RMP64: variants seen among roughly 807,000 people sequenced by gnomAD.
RMP64 encodes the protein nucleolus and neural progenitor protein.
the RMP64 span, chr3:113,019,165 G>A: frequency 8.3e-6 from 2 of 239,880 alleles, no homozygotes; most frequent in Non-Finnish European, 1.6e-5. Context: ...GAAAAAGAAG[G>A]AAAGGGGAAA....
the RMP64 span, among the ~76,000 whole-genome samples, chr3:113,007,905 C>T: frequency 1.3e-5 from 2 of 152,178 alleles, no homozygotes; most frequent in African/African-American, 4.8e-5. Flanking sequence ...ACACTAGACA[C>T]TCTTAATGGT....
At chr3:113,017,420 T>C in the RMP64 span, 2 of 1,602,858 alleles carry the variant, frequency 1.2e-6, no homozygotes, top group Admixed American at 1.7e-5. Context: ...AGTGAACAGG[T>C]TGGGTCTCAC....
the RMP64 span, chr3:113,008,510 A>C: frequency 4.0e-6 from 5 of 1,238,272 alleles, no homozygotes; most frequent in Non-Finnish European, 5.7e-6. Context: ...AAGCTAGCTC[A>C]CAATCAAAAT....
chr3:113,013,913 C>T, the RMP64 span: 1 of 1,375,268 alleles, frequency 7.3e-7, no homozygotes, highest in Non-Finnish European at 1.0e-6. Flanking sequence ...ATTGAGTTCC[C>T]AGCCCACCAC....
At chr3:113,010,822 C>A in the RMP64 span, 1 of 923,892 alleles carries the variant, frequency 1.1e-6, no homozygotes, top group South Asian at 1.6e-5. Context: ...AGGAATAAAG[C>A]AAGCAAATAA....
chr3:113,017,379 A>G, the RMP64 span: 9 of 1,271,630 alleles, frequency 7.1e-6, no homozygotes, highest in Non-Finnish European at 1.0e-5. Context: ...AAATAGCAAT[A>G]TAGTAAGTGG....
At chr3:113,019,430 C>G in the RMP64 span, 3 of 857,634 alleles carry the variant, frequency 3.5e-6, no homozygotes, top group Non-Finnish European at 5.5e-6. Context: ...CGCCCCTTCC[C>G]AGCGTCCCCC....
At chr3:113,005,951 C>T in the RMP64 span, 11 of 1,613,686 alleles carry the variant, frequency 6.8e-6, no homozygotes, top group South Asian at 4.4e-5. Flanking sequence ...ACCTGAGCCA[C>T]GAAGAAGGTG....
chr3:113,008,251 T>A, the RMP64 span: 1 of 1,614,094 alleles, frequency 6.2e-7, no homozygotes, highest in Non-Finnish European at 8.5e-7. Flanking sequence ...GAGCCTTGAG[T>A]TTTTTGCTCC....
At chr3:113,014,756 T>G in the RMP64 span, 1 of 152,238 alleles carries the variant, frequency 6.6e-6, no homozygotes, top group Non-Finnish European at 1.5e-5. Context: ...GGAAAACGAT[T>G]GGCTTTAATC....
the RMP64 span, chr3:113,017,436 G>A: frequency 9.9e-6 from 16 of 1,611,360 alleles, no homozygotes; most frequent in South Asian, 2.2e-5. Flanking sequence ...CTCACCTACC[G>A]GGCTTCCTCA....
chr3:113,010,302 C>A, the RMP64 span, among the ~76,000 whole-genome samples: 1,612 of 152,262 alleles, frequency 0.011, 99 homozygotes, highest in East Asian at 0.17. Context: ...GAAGGTCACA[C>A]AGCTAGTACC....
At chr3:113,016,495 C>G in the RMP64 span, among the ~76,000 whole-genome samples, 1 of 151,750 alleles carries the variant, frequency 6.6e-6, no homozygotes, top group African/African-American at 2.4e-5. Flanking sequence ...TATTCACAAC[C>G]CAGAAGCTAG....
the RMP64 span, among the ~76,000 whole-genome samples, chr3:113,015,887 G>C: frequency 7.0e-6 from 1 of 143,752 alleles, no homozygotes; most frequent in Non-Finnish European, 1.5e-5. Flanking sequence ...AGCAACTTCA[G>C]TAATAATCAG....
At chr3:113,010,881 T>A in the RMP64 span, among the ~76,000 whole-genome samples, 6 of 152,342 alleles carry the variant, frequency 3.9e-5, no homozygotes, top group South Asian at 6.2e-4. Flanking sequence ...TACTCAAGCT[T>A]AGAAAGCACA....
chr3:113,008,122 TAAC>T, the RMP64 span: 9 of 1,560,890 alleles, frequency 5.8e-6, no homozygotes, highest in African/African-American at 2.7e-5. Context: ...CTTTTACTCA[TAAC>T]AACAACAGAA....
chr3:113,017,392 G>A, the RMP64 span: 2 of 1,426,422 alleles, frequency 1.4e-6, no homozygotes, highest in South Asian at 2.5e-5. Context: ...GTAAGTGGCA[G>A]TGTGATCTAC....
chr3:113,012,806 G>A, the RMP64 span: 1 of 1,592,900 alleles, frequency 6.3e-7, no homozygotes, highest in African/African-American at 1.3e-5. Context: ...ATGTTTCACA[G>A]TCAAACTGGA....
chr3:113,017,135 T>C, the RMP64 span, among the ~76,000 whole-genome samples: 5 of 152,220 alleles, frequency 3.3e-5, no homozygotes, highest in East Asian at 3.8e-4. Context: ...AATCACTTTA[T>C]CTTTGAGCTG....
Sources: allele counts gnomAD v4.1 joint callset (sites outside exome capture counted in the v4.1 genomes callset), GRCh38; gene constraint gnomAD v4.1.1; transcripts MANE v1.5; gene names NCBI Gene and HGNC (gene_info 2026-07-23, HGNC 2026-07-21).